HRNR: variants seen among roughly 807,000 people sequenced by gnomAD.
The protein encoded by HRNR is hornerin, also known as filaggrin family member 3.
In HRNR, 7 loss-of-function variants were observed where a neutral mutation model predicts 4.8. The observed-to-expected ratio is 1.47, with a 90% CI of 0.83 to 2.75. The LOEUF is 2.75. Among genes scored for constraint, HRNR ranks in the 30% most tolerant of loss-of-function variants. HRNR has a pLI of 0.00. For synonymous variants in HRNR, 1,023 were observed against 1,242.7 expected (o/e 0.82, Z 3.72); for missense variants, 2,879 against 3,010.4 (o/e 0.96, Z 1.02).
Position 152,219,137 on chromosome 1 carries a change from T to A in HRNR, c.2492A>T (p.His831Leu). The change falls in exon 3 of 3, where the codon CAT (histidine) becomes CTT (leucine). Residue 831 changes from histidine (H) to leucine (L), a missense_variant. Physicochemically the swap from His to Leu is moderately conservative, Grantham distance 99 (BLOSUM62 -3). Around this residue, in one of 8 missense-constraint regions of HRNR, gnomAD observed 2,646 missense variants for 1,377.7 expected, o/e 1.92. Coordinates refer to ENST00000368801, the MANE Select transcript of HRNR (RefSeq NM_001009931.3). ...AGAGAAGTGACCTGAGGCAGAACCA[T>A]GCTGACTATAGCCCTGTCCTGAGCC... ...ESGSGQGYSQ[H>L]GSASGHFSSQ... 2 of 1,613,756 alleles carry A rather than the reference T, an allele frequency of 1.2e-6. No individual in the cohort carries two copies. The highest frequency in any genetic ancestry group is 1.7e-6 in the Non-Finnish European group (2 of 1,179,974).
chr1:152,221,330 T>G lies in HRNR; in HGVS notation c.299A>C (p.Lys100Thr). ...GTGCTGGTGAGTGTCATCTCTCAGC[T>G]TTGACCCTGAAACTTGGCAGTAATC... is the stretch of plus-strand genomic sequence containing the variant. The part of the protein sequence containing the change: ...GKDYCQVSGS[K>T]LRDDTHQHQE... Residue 100 changes from lysine (K) to threonine (T), a missense_variant, in exon 3 of 3, where the codon AAG becomes ACG. Around this residue, in one of 8 missense-constraint regions of HRNR, gnomAD observed 2,646 missense variants for 1,377.7 expected, o/e 1.92. Coordinates refer to ENST00000368801, the MANE Select transcript of HRNR (RefSeq NM_001009931.3). 1 of 1,614,010 alleles carries G rather than the reference T, an allele frequency of 6.2e-7. No individual in the cohort carries two copies. Among genetic ancestry groups the G allele is most frequent in the South Asian group, 1.1e-5 (1 of 91,078 alleles).
chr1:152,220,290 C>G lies in HRNR; in HGVS notation c.1339G>C (p.Gly447Arg), dbSNP rs1648915042. The G allele has an allele frequency of 1.9e-6, 3 of 1,613,954 alleles. No individual in the cohort carries two copies. The highest frequency in any genetic ancestry group is 2.5e-6 in the Non-Finnish European group (3 of 1,179,986). ...PSSGQHGTGF[G>R]RSSSSGPYVS... ...TATGGGCCACTGCTGGAAGATCGACCAAAGCCAGTCCCATGTTGGCCGGAG... is the reference window on the plus strand; with the variant it reads ...TATGGGCCACTGCTGGAAGATCGACGAAAGCCAGTCCCATGTTGGCCGGAG... The change falls in exon 3 of 3, where the codon GGT (glycine) becomes CGT (arginine). Residue 447 changes from glycine (G) to arginine (R), a missense_variant. By Grantham distance (125) the Gly-to-Arg change is moderately radical (BLOSUM62 -2). Around this residue, in one of 8 missense-constraint regions of HRNR, gnomAD observed 2,646 missense variants for 1,377.7 expected, o/e 1.92. Transcript: ENST00000368801.
intron 2 of HRNR, among the ~76,000 whole-genome samples, chr1:152,221,774 A>G (rs1233208767): frequency 6.6e-6 from 1 of 152,240 alleles, no homozygotes; most frequent in East Asian, 1.9e-4. Flanking sequence ...ATGAATGATT[A>G]GCTAATTTAT....
rs139401356 is a variant in HRNR, at chr1:152,218,996, G to A, written c.2633C>T (p.Ser878Leu). ...GQHESASHHA[S>L]GRGRHGSGSG... is the part of the protein sequence containing the mutation. ...TCCAGAGCCATGTCGGCCGCGGCCC[G>A]AAGCGTGATGGGAGGCAGACTCATG... The change falls in exon 3 of 3, where the codon TCG becomes TTG. Residue 878 changes from serine to leucine, a missense_variant. Transcript: ENST00000368801. 1.4e-3 allele frequency: 2,200 copies of A among 1,613,880 alleles called. 3 individuals carry two copies. Among genetic ancestry groups the A allele is most frequent in the Non-Finnish European group, 1.8e-3 (2,087 of 1,179,958 alleles).
At position 152,218,545 on chromosome 1, in the gene HRNR, C is replaced by A. The variant is rs745352144; in HGVS notation, c.3084G>T (p.Arg1028Ser). The A allele has an allele frequency of 1.2e-6, 2 of 1,613,856 alleles. No homozygotes were observed. The highest frequency in any genetic ancestry group is 1.7e-6 in the Non-Finnish European group (2 of 1,179,976). The change falls in exon 3 of 3, where the codon AGG becomes AGT. Residue 1028 changes from arginine to serine, a missense_variant. Transcript: ENST00000368801. ...SGQSSSYGPY[R>S]SGSGWSSSRG... Reference sequence around the variant, plus strand: ...GGCTTGAAGACCACCCTGAGCCAGACCTATATGGGCCATAGCTGGAAGACT... The same window carrying A: ...GGCTTGAAGACCACCCTGAGCCAGAACTATATGGGCCATAGCTGGAAGACT...
rs1557846012 is a variant in HRNR, at chr1:152,220,579, T to A, written c.1050A>T (p.Gln350His). The A allele has an allele frequency of 6.2e-7, 1 of 1,607,802 alleles. No homozygotes were observed. Among genetic ancestry groups the A allele is most frequent in the Admixed American group, 1.7e-5 (1 of 59,728 alleles). Residue 350 changes from glutamine (Q) to histidine (H), a missense_variant, in exon 3 of 3, where the codon CAA (glutamine) becomes CAT (histidine). Physicochemically the swap from Gln to His is conservative, Grantham distance 24. This residue lies in a region of HRNR where 2,646 missense variants were observed against 1,377.7 expected (regional missense o/e 1.92). Coordinates refer to ENST00000368801, the MANE Select transcript of HRNR (RefSeq NM_001009931.3). ...AGGACTGTCCTGAGCCAGACTCATGTTGCCCAAAGCCAGAAGTCTGGCCTG... is the reference window on the plus strand; with the variant it reads ...AGGACTGTCCTGAGCCAGACTCATGATGCCCAAAGCCAGAAGTCTGGCCTG... ...SGSGQTSGFGQHESGSGQSSG... is the reference protein window; with the variant it reads ...SGSGQTSGFGHHESGSGQSSG...
Position 152,212,889 on chromosome 1 carries a change from T to G in HRNR, c.*187A>C, listed in dbSNP as rs1262173504. The G allele has an allele frequency of 2.6e-6, 2 of 756,072 alleles. No individual in the cohort carries two copies. The highest frequency in any genetic ancestry group is 2.1e-6 in the Non-Finnish European group (1 of 480,884). 46.8% of individuals were successfully genotyped at this position (756,072 alleles called of 1,614,324 possible). On this transcript the variant is annotated 3_prime_UTR_variant, in exon 3 of 3. Coordinates refer to ENST00000368801, the MANE Select transcript of HRNR (RefSeq NM_001009931.3). ...ACAAAGTAGCACAAATGCCTAACAG[T>G]CTTTGGAAGGAACCCCATAACAAGA...
At position 152,218,444 on chromosome 1, in the gene HRNR, C is replaced by G. The variant is rs555130311; in HGVS notation, c.3185G>C (p.Gly1062Ala). ...TGAGCTAGATCCATGTTGACCGTAGCCAGAGGACTGTCCTGAGCGAGACTC... is the reference window on the plus strand; with the variant it reads ...TGAGCTAGATCCATGTTGACCGTAGGCAGAGGACTGTCCTGAGCGAGACTC... Reference protein sequence around the residue: ...HRESRSGQSSGYGQHGSSSGH... With the variant: ...HRESRSGQSSAYGQHGSSSGH... Residue 1062 changes from glycine to alanine, a missense_variant, in exon 3 of 3, where the codon GGC (glycine) becomes GCC (alanine). Coordinates refer to ENST00000368801, the MANE Select transcript of HRNR (RefSeq NM_001009931.3). 5 of 1,613,694 alleles carry G rather than the reference C, an allele frequency of 3.1e-6. No individual in the cohort carries two copies. In the Admixed American group the frequency reaches 5.0e-5, roughly 16 times the overall value.
Position 152,212,694 on chromosome 1 carries a change from G to T in HRNR, c.*382C>A. ...TGTATCTAGGACTGGTAATGCATTT[G>T]TAATATTTTGCTTCTAAGAAATGTA... On this transcript the variant is annotated 3_prime_UTR_variant, in exon 3 of 3. Transcript: ENST00000368801. The T allele has an allele frequency of 4.0e-6, 1 of 249,196 alleles. No individual in the cohort carries two copies. Among genetic ancestry groups the T allele is most frequent in the South Asian group, 6.1e-5 (1 of 16,470 alleles). 15.4% of individuals were successfully genotyped at this position (249,196 alleles called of 1,614,324 possible).
chr1:152,219,049 G>A lies in HRNR; in HGVS notation c.2580C>T (p.Ser860=), dbSNP rs887058956. Residue 860 remains serine (S), a synonymous_variant, in exon 3 of 3, where the codon AGC becomes AGT. Coordinates refer to ENST00000368801, the MANE Select transcript of HRNR (RefSeq NM_001009931.3). ...GACCATAGCTGGAAGATTGACCTGA[G>A]CTAGAGTCATGTTGGCCGGAGCTTG... ...QSSSSGQHDS[S]SGQSSSYGQH... 4 of 1,613,844 alleles carry A rather than the reference G, an allele frequency of 2.5e-6. No homozygotes were observed. Among genetic ancestry groups the A allele is most frequent in the Non-Finnish European group, 2.5e-6 (3 of 1,180,000 alleles).
Position 152,213,025 on chromosome 1 carries a change from T to A in HRNR, c.*51A>T, listed in dbSNP as rs1398586273. On this transcript the variant is annotated 3_prime_UTR_variant, in exon 3 of 3. Coordinates refer to ENST00000368801, the MANE Select transcript of HRNR (RefSeq NM_001009931.3). ...CTTTCATGATGAATTCATAGATGACTTTCCTATTTCTTAAATTGCTACTTG... is the reference window on the plus strand; with the variant it reads ...CTTTCATGATGAATTCATAGATGACATTCCTATTTCTTAAATTGCTACTTG... 4 of 1,566,738 alleles carry A rather than the reference T, an allele frequency of 2.6e-6. No homozygotes were observed. Among genetic ancestry groups the A allele is most frequent in the Non-Finnish European group, 2.6e-6 (3 of 1,157,904 alleles).
Position 152,218,969 on chromosome 1 carries a change from G to A in HRNR, c.2660C>T (p.Ser887Phe). The change falls in exon 3 of 3, where the codon TCT (serine) becomes TTT (phenylalanine). Residue 887 changes from serine to phenylalanine, a missense_variant. By Grantham distance (155) the Ser-to-Phe change is radical. Around this residue, in one of 8 missense-constraint regions of HRNR, gnomAD observed 2,646 missense variants for 1,377.7 expected, o/e 1.92. Transcript: ENST00000368801. The part of the protein sequence containing the change: ...ASGRGRHGSG[S>F]GQSPGHGQRG... ...CTGGCCGTGGCCTGGAGACTGGCCA[G>A]ATCCAGAGCCATGTCGGCCGCGGCC... The A allele has an allele frequency of 6.2e-7, 1 of 1,608,738 alleles. No individual in the cohort carries two copies. Among genetic ancestry groups the A allele is most frequent in the Non-Finnish European group, 8.5e-7 (1 of 1,179,894 alleles).
intron 2 of HRNR, 106 bp downstream of exon 2, chr1:152,223,010 C>T: frequency 2.5e-6 from 3 of 1,178,090 alleles, no homozygotes; most frequent in Non-Finnish European, 3.7e-6. Flanking sequence ...TTCTCTCTCA[C>T]CAAGTAAGGA....
In HRNR at chr1:152,221,416, A is replaced by C; in HGVS notation, c.213T>G (p.Phe71Leu). 6.2e-7 allele frequency: 1 copy of C among 1,613,540 alleles called. No homozygotes were observed. Among genetic ancestry groups the C allele is most frequent in the Non-Finnish European group, 8.5e-7 (1 of 1,179,698 alleles). Residue 71 changes from phenylalanine (F) to leucine (L), a missense_variant, in exon 3 of 3, where the codon TTT becomes TTG. By Grantham distance (22) the Phe-to-Leu change is conservative (BLOSUM62 0). Around this residue, in one of 8 missense-constraint regions of HRNR, gnomAD observed 2,646 missense variants for 1,377.7 expected, o/e 1.92. Coordinates refer to ENST00000368801, the MANE Select transcript of HRNR (RefSeq NM_001009931.3). ...TGAATATCATCAGAAGATACTCAGTAAAATCCACTTTCTTGTTATGGTCTC... is the reference window on the plus strand; with the variant it reads ...TGAATATCATCAGAAGATACTCAGTCAAATCCACTTTCTTGTTATGGTCTC... ...LDRDHNKKVD[F>L]TEYLLMIFKL... is the part of the protein sequence containing the mutation.
chr1:152,221,336 C>A lies in HRNR; in HGVS notation c.293G>T (p.Gly98Val). 1 of 1,613,906 alleles carries A rather than the reference C, an allele frequency of 6.2e-7. No homozygotes were observed. The highest frequency in any genetic ancestry group is 8.5e-7 in the Non-Finnish European group (1 of 1,180,024). ...GTGAGTGTCATCTCTCAGCTTTGACCCTGAAACTTGGCAGTAATCTTTGCC... is the reference window on the plus strand; with the variant it reads ...GTGAGTGTCATCTCTCAGCTTTGACACTGAAACTTGGCAGTAATCTTTGCC... ...IIGKDYCQVS[G>V]SKLRDDTHQH... The change falls in exon 3 of 3, where the codon GGG becomes GTG. Residue 98 changes from glycine (G) to valine (V), a missense_variant. Gly to Val is a moderately radical substitution (Grantham distance 109). Transcript: ENST00000368801.
chr1:152,219,111 T>TA lies in HRNR; in HGVS notation c.2517dup (p.Ser840Ter). 6.2e-7 allele frequency: 1 copy of TA among 1,612,998 alleles called. No individual in the cohort carries two copies. On this transcript the variant is annotated frameshift_variant, in exon 3 of 3. Coordinates refer to ENST00000368801, the MANE Select transcript of HRNR (RefSeq NM_001009931.3). LOFTEE classifies it low-confidence loss of function (END_TRUNC). Reference sequence around the variant, plus strand: ...GACGTAGATCCATGTCGTCCCTGGCTAGAGAAGTGACCTGAGGCAGAACCA... The same window carrying TA: ...GACGTAGATCCATGTCGTCCCTGGCTAAGAGAAGTGACCTGAGGCAGAACCA...
At chr1:152,223,434 C>G (rs1449190211) in intron 1 of HRNR, among the ~76,000 whole-genome samples, 156 bp from the exon 2 acceptor site, 1 of 152,154 alleles carries the variant, frequency 6.6e-6, no homozygotes, top group Admixed American at 6.5e-5. Flanking sequence ...AGTTGAATGA[C>G]TTGTTCAAGC....
rs778563569 is a variant in HRNR at position 152,219,929 on chromosome 1, C to T, written c.1700G>A (p.Arg567Lys). 33 of 1,612,582 alleles carry T rather than the reference C, an allele frequency of 2.0e-5. No homozygotes were observed. The South Asian group carries it at 3.4e-4, about 17-fold the overall frequency. ...SYGPHGYGSG[R>K]SSSRGPYESG... ...CTCATATGGGCCACGGCTTGAAGAC[C>T]TCCCTGAGCCATACCCATGTGGGCC... The change falls in exon 3 of 3, where the codon AGG becomes AAG. Residue 567 changes from arginine to lysine, a missense_variant. This residue lies in a region of HRNR where 2,646 missense variants were observed against 1,377.7 expected (regional missense o/e 1.92). Transcript: ENST00000368801.
rs1377244120 is a variant in HRNR at position 152,215,792 on chromosome 1, G to A, written c.5837C>T (p.Ser1946Phe). 6.2e-7 allele frequency: 1 copy of A among 1,607,908 alleles called. No individual in the cohort carries two copies. The highest frequency in any genetic ancestry group is 1.4e-5 in the African/African-American group (1 of 71,782). Residue 1946 changes from serine (S) to phenylalanine (F), a missense_variant, in exon 3 of 3, where the codon TCT becomes TTT. Ser to Phe is a radical substitution (Grantham distance 155, BLOSUM62 -2). Around this residue, in one of 8 missense-constraint regions of HRNR, gnomAD observed 5 missense variants for 621.9 expected, o/e 0.01. Transcript: ENST00000368801. ...HGQHGSGSGQ[S>F]PSPSRGRHGS... ...ATGTCGGCCACGGCTAGGGCTAGGAGACTGGCCAGATCCAGACCCATGTTG... is the reference window on the plus strand; with the variant it reads ...ATGTCGGCCACGGCTAGGGCTAGGAAACTGGCCAGATCCAGACCCATGTTG...
Sources: allele counts gnomAD v4.1 joint callset (sites outside exome capture counted in the v4.1 genomes callset), GRCh38; gene constraint gnomAD v4.1.1; regional missense constraint gnomAD v4.1.1; transcripts MANE v1.5; gene names NCBI Gene and HGNC (gene_info 2026-07-23, HGNC 2026-07-21).